The following DPH6 variants were observed in gnomAD, a reference collection of about 807,000 sequenced individuals.
DPH6 encodes the protein diphthine--ammonia ligase.
In DPH6, 33 loss-of-function variants were observed where a neutral mutation model predicts 38.2. That is an observed-to-expected ratio of 0.86 (90% confidence interval 0.65 to 1.15). The LOEUF is 1.15. Among genes scored for constraint, DPH6 ranks in the 50% most tolerant of loss-of-function variants. The pLI, the probability that DPH6 is intolerant of heterozygous loss-of-function variation, is 0.00. For missense variants in DPH6, 325 were observed against 320.0 expected, an observed-to-expected ratio of 1.02 and a Z score of -0.12; for synonymous variants, 108 against 103.0, an observed-to-expected ratio of 1.05 and a Z score of -0.30.
At chr15:35,172,812 C>T in the DPH6 span, among the ~76,000 whole-genome samples, 2 of 152,124 alleles carry the variant, frequency 1.3e-5, no homozygotes, top group Admixed American at 6.6e-5. Flanking sequence ...CTGCCTCAGC[C>T]TCCCAAGTAG....
At chr15:35,375,364 A>C (rs1305532805) in intron 7 of DPH6, among the ~76,000 whole-genome samples, 2 of 152,120 alleles carry the variant, frequency 1.3e-5, no homozygotes, top group Non-Finnish European at 2.9e-5. Flanking sequence ...ATACAAAGGA[A>C]GAGTCAACTG....
chr15:35,206,275 C>T, the DPH6 span, among the ~76,000 whole-genome samples: 6 of 152,200 alleles, frequency 3.9e-5, no homozygotes, highest in East Asian at 1.9e-4. Flanking sequence ...ACTACACCAG[C>T]GTTAACCCTT....
chr15:35,429,462 T>C (rs572517090), intron 5 of DPH6, among the ~76,000 whole-genome samples: 2 of 151,880 alleles, frequency 1.3e-5, no homozygotes, highest in African/African-American at 2.4e-5. Flanking sequence ...ACTGTGTCAC[T>C]TGCAAATTTC....
chr15:35,489,350 A>C, intron 3 of DPH6: 1 of 985,376 alleles, frequency 1.0e-6, no homozygotes, highest in Non-Finnish European at 1.2e-6. Flanking sequence ...AAGTGCTCCA[A>C]TCCCTGGTCC....
At chr15:35,253,151 G>A (rs571239548) in intron 3 of DPH6, among the ~76,000 whole-genome samples, 4 of 152,282 alleles carry the variant, frequency 2.6e-5, no homozygotes, top group African/African-American at 4.8e-5. Context: ...ATTCATTGAA[G>A]CATAGAACAG....
At chr15:35,433,099 A>C (rs2053652677) in intron 5 of DPH6, among the ~76,000 whole-genome samples, 1 of 152,248 alleles carries the variant, frequency 6.6e-6, no homozygotes, top group Non-Finnish European at 1.5e-5. Flanking sequence ...AATTGTGTCA[A>C]AGAAGTTTTG....
At chr15:35,274,057 A>G (rs1486097829) in intron 3 of DPH6, among the ~76,000 whole-genome samples, 1 of 152,202 alleles carries the variant, frequency 6.6e-6, no homozygotes, top group Non-Finnish European at 1.5e-5. Flanking sequence ...AAACAGATAT[A>G]TAGACCAATG....
the DPH6 span, among the ~76,000 whole-genome samples, chr15:35,150,011 C>T: frequency 1.3e-5 from 2 of 152,304 alleles, no homozygotes; most frequent in Non-Finnish European, 2.9e-5. Context: ...TGCTCCATGG[C>T]CCACACATCT....
chr15:35,488,028 C>T (rs775410508), intron 3 of DPH6, among the ~76,000 whole-genome samples: 11 of 152,098 alleles, frequency 7.2e-5, no homozygotes, highest in Non-Finnish European at 1.0e-4. Context: ...AAAATGCTGC[C>T]GGTCTCTTTG....
intron 5 of DPH6, among the ~76,000 whole-genome samples, chr15:35,432,410 T>C (rs553090823): frequency 4.6e-5 from 7 of 152,230 alleles, no homozygotes; most frequent in African/African-American, 1.4e-4. Context: ...TTCTTAGCCA[T>C]GCACAGTTCC....
chr15:35,394,130 A>T (rs1179407475), intron 6 of DPH6, among the ~76,000 whole-genome samples: 1 of 152,060 alleles, frequency 6.6e-6, no homozygotes, highest in Non-Finnish European at 1.5e-5. Context: ...TTTTATCTAG[A>T]ATATGTTCTT....
chr15:35,316,269 T>C (rs1405082686), intron 3 of DPH6, among the ~76,000 whole-genome samples: 1 of 152,190 alleles, frequency 6.6e-6, no homozygotes, highest in African/African-American at 2.4e-5. Flanking sequence ...CTACAAATTA[T>C]ATGAATGTAT....
At chr15:35,321,975 A>AG (rs1428264253) in intron 3 of DPH6, among the ~76,000 whole-genome samples, 2 of 152,142 alleles carry the variant, frequency 1.3e-5, no homozygotes, top group Non-Finnish European at 2.9e-5. Flanking sequence ...TTTAGTGGTC[A>AG]GGGGGCCAGG....
chr15:35,511,055 C>T (rs1320449039), intron 3 of DPH6, among the ~76,000 whole-genome samples: 1 of 152,124 alleles, frequency 6.6e-6, no homozygotes. Context: ...CTCAGACCAG[C>T]GGCCTCAGCA....
the DPH6 span, among the ~76,000 whole-genome samples, chr15:35,176,462 C>T: frequency 2.1e-4 from 31 of 149,026 alleles, no homozygotes; most frequent in Admixed American, 8.9e-4. Flanking sequence ...CATCATTCGA[C>T]AGTTGTAAGG....
chr15:35,268,027 G>A (rs958265273), intron 3 of DPH6, among the ~76,000 whole-genome samples: 9 of 151,886 alleles, frequency 5.9e-5, no homozygotes, highest in Admixed American at 2.6e-4. Context: ...AATATTAGCC[G>A]GGCGTGGTGG....
intron 3 of DPH6, among the ~76,000 whole-genome samples, chr15:35,499,429 A>G (rs2054597866): frequency 6.6e-6 from 1 of 152,102 alleles, no homozygotes; most frequent in Admixed American, 6.6e-5. Flanking sequence ...AGTCTACCAA[A>G]TTTGGGGCAA....
chr15:35,203,365 G>A, the DPH6 span, among the ~76,000 whole-genome samples: 5 of 151,468 alleles, frequency 3.3e-5, no homozygotes, highest in East Asian at 9.7e-4. Flanking sequence ...ACTGTGGAAT[G>A]ATATATTTAA....
intron 3 of DPH6, among the ~76,000 whole-genome samples, chr15:35,535,184 A>G (rs2055151050): frequency 6.6e-6 from 1 of 152,198 alleles, no homozygotes; most frequent in Admixed American, 6.6e-5. Flanking sequence ...CACCAAGCAT[A>G]AAGACACATC....
Sources: gnomAD v4.1 joint callset for allele counts (sites outside exome capture counted in the v4.1 genomes callset) on GRCh38, gnomAD v4.1.1 for gene constraint, MANE v1.5 for transcripts, NCBI Gene and HGNC (gene_info 2026-07-23, HGNC 2026-07-21) for gene names.